SLC1A2: variants seen among roughly 807,000 people sequenced by gnomAD.
The protein encoded by SLC1A2 is solute carrier family 1 member 2.
In SLC1A2, 15 loss-of-function variants were observed where a neutral mutation model predicts 48.8. The observed-to-expected ratio is 0.31, with a 90% CI of 0.21 to 0.47. SLC1A2 has a LOEUF of 0.47. SLC1A2 is among the 20% of genes least tolerant of loss of function. The pLI, the probability that SLC1A2 is intolerant of heterozygous loss-of-function variation, is 0.99. For missense variants in SLC1A2, 502 were observed against 730.5 expected (o/e 0.69, Z 3.61); for synonymous variants, 279 against 272.6 (o/e 1.02, Z -0.23).
At chr11:35,320,173 GT>G (rs889108468) in intron 1 of SLC1A2, among the ~76,000 whole-genome samples, 23 of 152,118 alleles carry the variant, frequency 1.5e-4, no homozygotes, top group African/African-American at 5.6e-4. Flanking sequence ...TAAGATATAA[GT>G]TTTAAAAAAT....
At chr11:35,298,083 T>A (rs1479441971) in intron 6 of SLC1A2, 2 of 152,252 alleles carry the variant, frequency 1.3e-5, no homozygotes, top group African/African-American at 2.4e-5. Flanking sequence ...CAAGTCAACC[T>A]CTGTGCTTAG....
In SLC1A2 at chr11:35,256,049, T is replaced by C. The variant is rs1428511387; in HGVS notation, c.*4845A>G. The C allele has an allele frequency of 6.6e-6, 1 of 152,192 alleles. No individual in the cohort carries two copies. The highest frequency in any genetic ancestry group is 1.5e-5 in the Non-Finnish European group (1 of 68,034). 9.4% of individuals were successfully genotyped at this position (152,192 alleles called of 1,614,324 possible). On this transcript the variant is annotated 3_prime_UTR_variant, in exon 11 of 11. Coordinates refer to ENST00000278379, the MANE Select transcript of SLC1A2 (RefSeq NM_004171.4). Reference sequence around the variant, plus strand: ...CAGAGATCATAATACATTGGGCTCATAGGGCTGGAAGGGGATTTTAGTCAT... The same window carrying C: ...CAGAGATCATAATACATTGGGCTCACAGGGCTGGAAGGGGATTTTAGTCAT...
chr11:35,313,979 A>T (rs1266698293), intron 3 of SLC1A2, among the ~76,000 whole-genome samples: 1 of 152,178 alleles, frequency 6.6e-6, no homozygotes, highest in Non-Finnish European at 1.5e-5. Flanking sequence ...TGGTACCCAA[A>T]TATGGACCAA....
intron 1 of SLC1A2, among the ~76,000 whole-genome samples, chr11:35,381,180 G>A (rs1015336035): frequency 5.9e-5 from 9 of 151,832 alleles, no homozygotes; most frequent in African/African-American, 2.2e-4. Context: ...TCATCCCATC[G>A]TGTGATTGTC....
chr11:35,412,650 G>A (rs1855494982), intron 1 of SLC1A2, among the ~76,000 whole-genome samples: 1 of 152,222 alleles, frequency 6.6e-6, no homozygotes, highest in Non-Finnish European at 1.5e-5. Flanking sequence ...CCCACTCCTA[G>A]AGGGACAAGA....
At chr11:35,377,557 G>C (rs1854282161) in intron 1 of SLC1A2, among the ~76,000 whole-genome samples, 1 of 152,206 alleles carries the variant, frequency 6.6e-6, no homozygotes, top group Admixed American at 6.5e-5. Flanking sequence ...AGAGAGCTAA[G>C]TGGCTATGTC....
chr11:35,367,996 T>G (rs533014557), intron 1 of SLC1A2, among the ~76,000 whole-genome samples: 1 of 152,312 alleles, frequency 6.6e-6, no homozygotes, highest in Admixed American at 6.5e-5. Flanking sequence ...CTCTGTTTGT[T>G]AAAAATGGAG....
chr11:35,372,801 T>A (rs1468354804), intron 1 of SLC1A2, among the ~76,000 whole-genome samples: 1 of 152,204 alleles, frequency 6.6e-6, no homozygotes, highest in Non-Finnish European at 1.5e-5. Context: ...CTCTTAGAAT[T>A]ATAATCAATA....
chr11:35,354,552 C>T (rs564572056), intron 1 of SLC1A2, among the ~76,000 whole-genome samples: 80 of 152,276 alleles, frequency 5.3e-4, no homozygotes, highest in Middle Eastern at 3.4e-3. Context: ...TTCTCTTTTG[C>T]CCTAACACAG....
At chr11:35,332,512 G>A (rs957500421) in intron 1 of SLC1A2, among the ~76,000 whole-genome samples, 16 of 152,186 alleles carry the variant, frequency 1.1e-4, no homozygotes, top group Non-Finnish European at 1.9e-4. Flanking sequence ...TACAATGCCA[G>A]GCACCTAATA....
At chr11:35,420,257 G>T (rs1855751728), upstream of SLC1A2, among the ~76,000 whole-genome samples, 1 of 150,978 alleles carries the variant, frequency 6.6e-6, no homozygotes, top group Non-Finnish European at 1.5e-5. Flanking sequence ...GGCGCTGCTC[G>T]CCGCCTGCTT....
chr11:35,392,000 C>G (rs1444877726), intron 1 of SLC1A2, among the ~76,000 whole-genome samples: 1 of 152,182 alleles, frequency 6.6e-6, no homozygotes, highest in Non-Finnish European at 1.5e-5. Context: ...AGCCTGCTTG[C>G]AAGCAGGGCT....
At position 35,255,532 on chromosome 11, in the gene SLC1A2, C is replaced by T. The variant is rs535960474; in HGVS notation, c.*5362G>A. 1 of 152,220 alleles carries T rather than the reference C, an allele frequency of 6.6e-6. No individual in the cohort carries two copies. Among genetic ancestry groups the T allele is most frequent in the Non-Finnish European group, 1.5e-5 (1 of 68,032 alleles). The allele number at this position is 152,220 out of a possible 1,614,324, so 9.4% of individuals were successfully genotyped here. A position where few individuals can be genotyped will look rare whatever the true frequency, so the allele number is the denominator to read the frequency against. ...TTTACAAACAGTTGCCGTGATTGTGCAAGTGTTGTACCAAATTTCAAAAGA... is the reference window on the plus strand; with the variant it reads ...TTTACAAACAGTTGCCGTGATTGTGTAAGTGTTGTACCAAATTTCAAAAGA... On this transcript the variant is annotated 3_prime_UTR_variant, in exon 11 of 11. Coordinates refer to ENST00000278379, the MANE Select transcript of SLC1A2 (RefSeq NM_004171.4).
In SLC1A2 at chr11:35,301,627, A is replaced by C. The variant is rs1225714561; in HGVS notation, c.749T>G (p.Ile250Ser). The change falls in exon 6 of 11, where the codon ATT becomes AGT. Residue 250 changes from isoleucine to serine, a missense_variant. Ile to Ser is a moderately radical substitution (Grantham distance 142). Transcript: ENST00000278379. ...MNVLGLIGFF[I>S]AFGIAMGKMG... is the part of the protein sequence containing the mutation. ...CTTCCCCATAGCGATGCCAAAAGCA[A>C]TGAAAAACCCTATCAGACCTGTTGG... 2 of 1,613,756 alleles carry C rather than the reference A, an allele frequency of 1.2e-6. No individual in the cohort carries two copies. Among genetic ancestry groups the C allele is most frequent in the African/African-American group, 2.7e-5 (2 of 74,936 alleles).
intron 6 of SLC1A2, among the ~76,000 whole-genome samples, chr11:35,300,194 G>A (rs1346558418): frequency 2.0e-5 from 3 of 152,164 alleles, no homozygotes; most frequent in Non-Finnish European, 4.4e-5. Context: ...AAACCTACCT[G>A]CTTATGCATC....
At position 35,306,255 on chromosome 11, in the gene SLC1A2, G is replaced by A; in HGVS notation, c.562-13C>T. ...TCACTGTTTGAATCTAACAGAGTGA[G>A]GGAAAAAAGGCATAGAGCTGAGATT... is the stretch of plus-strand genomic sequence containing the variant. On this transcript the variant is annotated splice_polypyrimidine_tract_variant and intron_variant, in intron 4 of 10. Coordinates refer to ENST00000278379, the MANE Select transcript of SLC1A2 (RefSeq NM_004171.4). The A allele has an allele frequency of 1.2e-6, 2 of 1,602,120 alleles. No individual in the cohort carries two copies. Among genetic ancestry groups the A allele is most frequent in the Non-Finnish European group, 1.7e-6 (2 of 1,172,934 alleles).
At chr11:35,360,773 G>A (rs1256695905) in intron 1 of SLC1A2, among the ~76,000 whole-genome samples, 2 of 152,144 alleles carry the variant, frequency 1.3e-5, no homozygotes, top group East Asian at 3.8e-4. Context: ...TAGTCTCCAT[G>A]TCACCTTCCA....
chr11:35,263,320 T>G (rs920487263), intron 10 of SLC1A2, among the ~76,000 whole-genome samples: 2 of 151,902 alleles, frequency 1.3e-5, no homozygotes, highest in Non-Finnish European at 2.9e-5. Flanking sequence ...ACAAAAAAAT[T>G]AGCTGGGCAT....
At chr11:35,296,567 GCCTGCAGGAC>G in intron 6 of SLC1A2, among the ~76,000 whole-genome samples, 1 of 152,088 alleles carries the variant, frequency 6.6e-6, no homozygotes, top group Admixed American at 6.6e-5. Context: ...CATCAAGGTG[GCCTGCAGGAC>G]CCTGGAGGAT....
Sources: allele counts gnomAD v4.1 joint callset (sites outside exome capture counted in the v4.1 genomes callset), GRCh38; gene constraint gnomAD v4.1.1; transcripts MANE v1.5; gene names NCBI Gene and HGNC (gene_info 2026-07-23, HGNC 2026-07-21).